The following ATAD2B variants were observed in gnomAD, a reference collection of about 807,000 sequenced individuals.
ATAD2B encodes ATPase family AAA domain-containing protein 2B.
In ATAD2B, 40 loss-of-function variants were observed where a neutral mutation model predicts 167.6. That is an observed-to-expected ratio of 0.24 (90% confidence interval 0.19 to 0.31). The LOEUF is 0.31. Ranked by LOEUF, ATAD2B falls within the 10% of genes least tolerant of loss-of-function variation. The probability of loss-of-function intolerance (pLI) is 1.00; values close to 1 mark genes in which losing one functional copy is unlikely to be tolerated. For missense variants in ATAD2B, 1,242 were observed against 1,757.2 expected (o/e 0.71, Z 5.24); for synonymous variants, 579 against 596.5 (o/e 0.97, Z 0.43).
the ATAD2B span, among the ~76,000 whole-genome samples, chr2:23,720,830 C>G: frequency 6.6e-6 from 1 of 152,130 alleles, no homozygotes; most frequent in African/African-American, 2.4e-5. Flanking sequence ...AGATTAGGAA[C>G]ACAAAGTGTG....
At chr2:23,762,603 A>G (rs915480957) in intron 23 of ATAD2B, among the ~76,000 whole-genome samples, 2 of 152,210 alleles carry the variant, frequency 1.3e-5, no homozygotes, top group African/African-American at 4.8e-5. Flanking sequence ...ATTCATTTTA[A>G]TTCACAAAGA....
chr2:23,765,664 CAAAT>C (rs748582852), intron 22 of ATAD2B, 36 bp from the exon 23 acceptor site: 28 of 1,218,168 alleles, frequency 2.3e-5, no homozygotes, highest in African/African-American at 1.9e-4. Flanking sequence ...ATTATAGAAA[CAAAT>C]AAAATAACAT....
At chr2:23,912,987 A>C (rs956616262) in intron 1 of ATAD2B, among the ~76,000 whole-genome samples, 1 of 152,098 alleles carries the variant, frequency 6.6e-6, no homozygotes, top group Non-Finnish European at 1.5e-5. Flanking sequence ...CAGGGCAAGA[A>C]TCTGTCTCAA....
intron 13 of ATAD2B, among the ~76,000 whole-genome samples, chr2:23,836,877 T>C (rs1690073310): frequency 6.6e-6 from 1 of 151,992 alleles, no homozygotes; most frequent in African/African-American, 2.4e-5. Context: ...CACCAATTGG[T>C]CCATGGGGTG....
intron 8 of ATAD2B, among the ~76,000 whole-genome samples, chr2:23,874,616 T>C (rs1696531743): frequency 6.6e-6 from 1 of 151,742 alleles, no homozygotes; most frequent in African/African-American, 2.4e-5. Context: ...GGTGGGAGGA[T>C]TGTTTGAGTC....
the ATAD2B span, chr2:23,696,726 C>T: frequency 6.0e-6 from 3 of 497,246 alleles, no homozygotes; most frequent in Non-Finnish European, 7.0e-6. This position sits in a 1 kb window ranked among gnomAD's most constrained non-coding sequence, Gnocchi z 5.5. Flanking sequence ...GTCACCTTTG[C>T]AGTCGCTGAG....
intron 1 of ATAD2B, among the ~76,000 whole-genome samples, chr2:23,924,110 G>GC (rs909794635): frequency 1.3e-5 from 2 of 152,148 alleles, no homozygotes; most frequent in South Asian, 4.2e-4. Flanking sequence ...GTGAACCCCG[G>GC]GGGGCGGAGC....
chr2:23,694,223 T>TC, the ATAD2B span, among the ~76,000 whole-genome samples: 68 of 152,312 alleles, frequency 4.5e-4, no homozygotes, highest in South Asian at 1.5e-3. Flanking sequence ...AGCCTACACC[T>TC]CTTCCTGTTC....
chr2:23,703,355 A>T, the ATAD2B span: 2 of 1,517,724 alleles, frequency 1.3e-6, no homozygotes, highest in Admixed American at 4.3e-5. Flanking sequence ...CAACACGTGG[A>T]GCTTCATCGA....
At chr2:23,684,980 C>A in the ATAD2B span, among the ~76,000 whole-genome samples, 1 of 152,208 alleles carries the variant, frequency 6.6e-6, no homozygotes, top group African/African-American at 2.4e-5. This position sits in a 1 kb window ranked among gnomAD's most constrained non-coding sequence, Gnocchi z 4.4. Context: ...GCCAGGAAAG[C>A]GCATCGGCCA....
At chr2:23,813,328 T>C (rs1257844285) in intron 17 of ATAD2B, among the ~76,000 whole-genome samples, 1 of 148,204 alleles carries the variant, frequency 6.7e-6, no homozygotes, top group Non-Finnish European at 1.5e-5. Flanking sequence ...TTTTATAATA[T>C]ATTATAAAAT....
At chr2:23,836,102 T>C (rs1212893251) in intron 13 of ATAD2B, among the ~76,000 whole-genome samples, 1 of 150,882 alleles carries the variant, frequency 6.6e-6, no homozygotes, top group Admixed American at 6.6e-5. Flanking sequence ...CGGCTCACAC[T>C]ACCAGCCTGT....
chr2:23,712,075 G>T, the ATAD2B span, among the ~76,000 whole-genome samples: 1 of 152,112 alleles, frequency 6.6e-6, no homozygotes, highest in East Asian at 1.9e-4. Context: ...GCACAGGATG[G>T]TTATCCCCAT....
the ATAD2B span, among the ~76,000 whole-genome samples, chr2:23,737,325 G>A: frequency 1.3e-4 from 20 of 152,288 alleles, no homozygotes; most frequent in East Asian, 3.7e-3. Flanking sequence ...ACCTCACACG[G>A]CTTGATACTC....
At chr2:23,711,219 G>A in the ATAD2B span, among the ~76,000 whole-genome samples, 1 of 151,394 alleles carries the variant, frequency 6.6e-6, no homozygotes, top group African/African-American at 2.4e-5. Flanking sequence ...GGAATTGCAG[G>A]CAATTTTTCT....
intron 1 of ATAD2B, 24 bp downstream of exon 1, chr2:23,926,531 G>A: frequency 1.3e-6 from 2 of 1,536,442 alleles, no homozygotes; most frequent in South Asian, 1.2e-5. Flanking sequence ...CCGAGCCTCC[G>A]GACTCGGGAC....
At chr2:23,869,612 C>A in intron 9 of ATAD2B, 51 bp downstream of exon 9, 1 of 1,327,498 alleles carries the variant, frequency 7.5e-7, no homozygotes. Flanking sequence ...TCAAAAAAAA[C>A]TTATTTTTCC....
chr2:23,777,975 A>C (rs996309013), intron 22 of ATAD2B, among the ~76,000 whole-genome samples: 2 of 152,188 alleles, frequency 1.3e-5, no homozygotes, highest in Admixed American at 1.3e-4. Flanking sequence ...TTTTTCCCCA[A>C]ATGGCCAAGT....
chr2:23,726,526 G>A, the ATAD2B span, among the ~76,000 whole-genome samples: 1 of 152,118 alleles, frequency 6.6e-6, no homozygotes, highest in Non-Finnish European at 1.5e-5. Flanking sequence ...AGCAGGCTGA[G>A]GGGGAGAGGC....
Sources: gnomAD v4.1 joint callset for allele counts (sites outside exome capture counted in the v4.1 genomes callset) on GRCh38, gnomAD v4.1.1 for gene constraint, Gnocchi (gnomAD v3.1) non-coding constraint, MANE v1.5 for transcripts, NCBI Gene and HGNC (gene_info 2026-07-23, HGNC 2026-07-21) for gene names.